Variants in ADAD2 observed in about 807,000 individuals in gnomAD.
ADAD2 encodes adenosine deaminase domain containing 2, also known as adenosine deaminase domain-containing protein 2.
ADAD2 carries 60 observed loss-of-function variants against 54.5 expected under a neutral mutation model. The ratio of observed to expected loss-of-function variants is 1.10; its 90% confidence interval spans 0.89 to 1.36. The LOEUF (loss-of-function observed/expected upper bound fraction) is 1.36, where lower values mean the gene tolerates loss of function less well. ADAD2 is among the 40% of genes most tolerant of loss of function. The pLI is 0.00. For missense variants in ADAD2, 1,103 were observed against 801.3 expected (o/e 1.38, Z -4.54); for synonymous variants, 543 against 366.2 (o/e 1.48, Z -5.51).
chr16:84,192,762 T>G (rs1332938025), intron 1 of ADAD2: 1 of 152,304 alleles, frequency 6.6e-6, no homozygotes, highest in Non-Finnish European at 1.5e-5. Context: ...CAGGCTGGTC[T>G]CAAACTCCTG....
chr16:84,194,217 G>T lies in ADAD2; in HGVS notation c.419-225G>T, dbSNP rs72800737. On this transcript the variant is annotated intron_variant, in intron 1 of 9. Coordinates refer to ENST00000315906, the MANE Select transcript of ADAD2 (RefSeq NM_001145400.2). ...AGTCACGCATCCCTGCTGTGGAGGA[G>T]TTGGGTGAGGACTTGGTTGAATCAG... 3,660 of 1,561,766 alleles carry T rather than the reference G, an allele frequency of 2.3e-3. 9 individuals carry two copies. The highest frequency in any genetic ancestry group is 3.0e-3 in the Non-Finnish European group (3,457 of 1,152,188).
chr16:84,191,523 C>G lies in ADAD2; in HGVS notation c.293C>G (p.Pro98Arg). ...CAGATGGGGAAGGCCCCGAGGGTCC[C>G]TGTGCCCCCAGCAGGGCTCAGCCTG... ...GEQMGKAPRVPVPPAGLSLPL... is the reference protein window; with the variant it reads ...GEQMGKAPRVRVPPAGLSLPL... The change falls in exon 1 of 10, where the codon CCT (proline) becomes CGT (arginine). Residue 98 changes from proline to arginine, a missense_variant. By Grantham distance (103) the Pro-to-Arg change is moderately radical (BLOSUM62 -2). Coordinates refer to ENST00000315906, the MANE Select transcript of ADAD2 (RefSeq NM_001145400.2). 6.5e-7 allele frequency: 1 copy of G among 1,546,182 alleles called. No homozygotes were observed. The highest frequency in any genetic ancestry group is 8.7e-7 in the Non-Finnish European group (1 of 1,146,570).
chr16:84,193,875 C>A, intron 1 of ADAD2: 1 of 1,017,178 alleles, frequency 9.8e-7, no homozygotes. Context: ...GAGGGGCAGT[C>A]CTTGGGAGAA....
intron 6 of ADAD2, 52 bp from the exon 7 acceptor site, chr16:84,195,763 A>G (rs2089720681): frequency 4.5e-6 from 7 of 1,542,106 alleles, no homozygotes; most frequent in East Asian, 2.3e-5. Flanking sequence ...GGTGGGGGCC[A>G]GGGTCAGAAG....
At position 84,191,699 on chromosome 16, in the gene ADAD2, C is replaced by T. The variant is rs569964097; in HGVS notation, c.418+51C>T. On this transcript the variant is annotated intron_variant, in intron 1 of 9. Coordinates refer to ENST00000315906, the MANE Select transcript of ADAD2 (RefSeq NM_001145400.2). ...TGCCAGAGGGCAGAGCCACGGAGGG[C>T]TGGGTCCCAGGACGTGGGGAGCAGG... 1.6e-3 allele frequency: 2,541 copies of T among 1,543,106 alleles called. 61 individuals carry two copies. The South Asian group carries it at 0.027, about 16-fold the overall frequency.
In ADAD2 at chr16:84,194,870, T is replaced by G. The variant is rs116867412; in HGVS notation, c.560-63T>G. 531 of 1,534,386 alleles carry G rather than the reference T, an allele frequency of 3.5e-4. 5 individuals are homozygous for G. In the East Asian group the frequency reaches 8.2e-3, roughly 24 times the overall value. On this transcript the variant is annotated intron_variant, in intron 2 of 9. Coordinates refer to ENST00000315906, the MANE Select transcript of ADAD2 (RefSeq NM_001145400.2). ...AACTTCCTCTCCCCGCCTCCTTGGC[T>G]TCCTGAGGGACGGAGGGTGGGCCTT...
In ADAD2 at chr16:84,195,815, C is replaced by T. The variant is rs144546615; in HGVS notation, c.1053C>T (p.Tyr351=). ...NTPKGAARDI[Y]LPPTSEGGLP... ...ATGTCTGTCCCCACCCGGCCCGCAG[C>T]CTGCCCCCCACCTCGGAAGGTGGCC... The change falls in exon 7 of 10, where the codon TAC becomes TAT. Residue 351 remains tyrosine, a splice_region_variant and synonymous_variant. Transcript: ENST00000315906. 24 of 1,599,938 alleles carry T rather than the reference C, an allele frequency of 1.5e-5. No homozygotes were observed. Among genetic ancestry groups the T allele is most frequent in the Middle Eastern group, 1.7e-4 (1 of 6,024 alleles).
intron 8 of ADAD2, 53 bp from the exon 9 acceptor site, chr16:84,196,594 T>C: frequency 6.3e-7 from 1 of 1,596,698 alleles, no homozygotes. Flanking sequence ...GTAGCAGGCC[T>C]GCTGGTCCAG....
intron 5 of ADAD2, 24 bp from the exon 6 acceptor site, chr16:84,195,506 C>T: frequency 6.2e-7 from 1 of 1,600,628 alleles, no homozygotes; most frequent in South Asian, 1.1e-5. Context: ...GTCTTCCCAA[C>T]CACCCTGTGC....
chr16:84,194,735 G>T, intron 2 of ADAD2, 153 bp downstream of exon 2: 1 of 1,392,056 alleles, frequency 7.2e-7, no homozygotes, highest in South Asian at 1.3e-5. Context: ...CCTGCAGGGA[G>T]CTGGGGCGGG....
In ADAD2 at chr16:84,196,888, G is replaced by T. The variant is rs1164876631; in HGVS notation, c.1666G>T (p.Ala556Ser). 1 of 1,593,612 alleles carries T rather than the reference G, an allele frequency of 6.3e-7. No individual in the cohort carries two copies. Among genetic ancestry groups the T allele is most frequent in the Non-Finnish European group, 8.5e-7 (1 of 1,170,610 alleles). ...GCCCTAGGCTGGGCCCTACCAGGAG[G>T]CTCGCAGGCAGCTGTCTCTCCTCCT... Reference protein sequence around the residue: ...EAAKAGPYQEARRQLSLLLDQ... With the variant: ...EAAKAGPYQESRRQLSLLLDQ... Residue 556 changes from alanine to serine, a missense_variant, in exon 10 of 10, where the codon GCT (alanine) becomes TCT (serine). Ala to Ser is a moderately conservative substitution (Grantham distance 99). Transcript: ENST00000315906.
intron 1 of ADAD2, chr16:84,193,557 G>C (rs2089685227): frequency 6.4e-6 from 1 of 157,196 alleles, no homozygotes; most frequent in African/African-American, 2.4e-5. Context: ...GATTTGACTA[G>C]GGTGGCATCT....
Position 84,191,572 on chromosome 16 carries a change from C to A in ADAD2, c.342C>A (p.Ser114Arg). The A allele has an allele frequency of 2.6e-6, 4 of 1,549,324 alleles. No homozygotes were observed. The highest frequency in any genetic ancestry group is 3.5e-6 in the Non-Finnish European group (4 of 1,146,844). The change falls in exon 1 of 10, where the codon AGC becomes AGA. Residue 114 changes from serine (S) to arginine (R), a missense_variant. Ser to Arg is a moderately radical substitution (Grantham distance 110). Coordinates refer to ENST00000315906, the MANE Select transcript of ADAD2 (RefSeq NM_001145400.2). ...TGCCGCTCAAAGACCCACCTGCCAG[C>A]CAGGCCGTGTCCTTGCTCACGGAGT... Reference protein sequence around the residue: ...LSLPLKDPPASQAVSLLTEYA... With the variant: ...LSLPLKDPPARQAVSLLTEYA...
intron 1 of ADAD2, 125 bp downstream of exon 1, chr16:84,191,773 G>C: frequency 7.1e-7 from 1 of 1,409,124 alleles, no homozygotes; most frequent in Non-Finnish European, 9.7e-7. Flanking sequence ...GACACCGCCG[G>C]AGCAGGACCT....
At chr16:84,193,906 G>A (rs1003649027) in intron 1 of ADAD2, 5 of 1,271,764 alleles carry the variant, frequency 3.9e-6, no homozygotes, top group African/African-American at 1.5e-5. Context: ...AGCAAGTACT[G>A]TGAAATTAAC....
intron 1 of ADAD2, chr16:84,194,083 G>C: frequency 6.2e-7 from 1 of 1,613,994 alleles, no homozygotes; most frequent in Non-Finnish European, 8.5e-7. Context: ...AGTGCTCAGA[G>C]CCTTCCTCCT....
chr16:84,191,182 G>C lies in ADAD2; in HGVS notation c.-49G>C, dbSNP rs756343617. ...ACCCGCCCTGCGCGTGTGAAAGGGCGAGAGCAGCGCGAGATAGGGCCTAGC... is the reference window on the plus strand; with the variant it reads ...ACCCGCCCTGCGCGTGTGAAAGGGCCAGAGCAGCGCGAGATAGGGCCTAGC... On this transcript the variant is annotated 5_prime_UTR_variant, in exon 1 of 10. Coordinates refer to ENST00000315906, the MANE Select transcript of ADAD2 (RefSeq NM_001145400.2). The C allele has an allele frequency of 1.3e-6, 2 of 1,575,476 alleles. No individual in the cohort carries two copies. Among genetic ancestry groups the C allele is most frequent in the Non-Finnish European group, 1.7e-6 (2 of 1,157,608 alleles).
At position 84,196,375 on chromosome 16, in the gene ADAD2, G is replaced by A; in HGVS notation, c.1526+5G>A. 6.2e-7 allele frequency: 1 copy of A among 1,608,916 alleles called. No individual in the cohort carries two copies. The highest frequency in any genetic ancestry group is 1.1e-5 in the South Asian group (1 of 90,518). On this transcript the variant is annotated splice_donor_5th_base_variant and intron_variant, in intron 8 of 9. Coordinates refer to ENST00000315906, the MANE Select transcript of ADAD2 (RefSeq NM_001145400.2). The stretch of plus-strand genomic sequence containing the variant: ...CACCGGGCGTGTGAAGGCCAAGTGA[G>A]AAGGGCCCCCTGGGGCCGGGCTGTG...
rs1443777010 is a variant in ADAD2, at chr16:84,191,664, G to A, written c.418+16G>A. On this transcript the variant is annotated intron_variant, in intron 1 of 9. Transcript: ENST00000315906. The stretch of plus-strand genomic sequence containing the variant: ...CAGCCACCAGGTGAGGCCGGGCCGG[G>A]GCATGGCTGTGCCAGAGGGCAGAGC... 4.5e-6 allele frequency: 7 copies of A among 1,553,702 alleles called. No homozygotes were observed. Among genetic ancestry groups the A allele is most frequent in the African/African-American group, 1.4e-5 (1 of 73,490 alleles).
Sources: gnomAD v4.1 joint callset for allele counts on GRCh38, gnomAD v4.1.1 for gene constraint, MANE v1.5 for transcripts, NCBI Gene and HGNC (gene_info 2026-07-23, HGNC 2026-07-21) for gene names.